Variants in ADGRL3 observed in about 807,000 individuals in gnomAD.
The protein encoded by ADGRL3 is calcium-independent alpha-latrotoxin receptor 3.
In ADGRL3, 62 loss-of-function variants were observed where a neutral mutation model predicts 153.5. That is an observed-to-expected ratio of 0.40 (90% CI 0.33 to 0.50). The LOEUF (loss-of-function observed/expected upper bound fraction) is 0.50, where lower values mean the gene tolerates loss of function less well. Ranked by LOEUF, ADGRL3 falls within the 20% of genes least tolerant of loss-of-function variation. The probability of loss-of-function intolerance (pLI) is 0.47; values close to 1 mark genes in which losing one functional copy is unlikely to be tolerated. For missense variants in ADGRL3, 1,641 were observed against 1,859.4 expected, an observed-to-expected ratio of 0.88 and a Z score of 2.16; for synonymous variants, 710 against 672.5, an observed-to-expected ratio of 1.06 and a Z score of -0.86.
At chr4:61,590,485 A>C (rs765795340) in intron 5 of ADGRL3, among the ~76,000 whole-genome samples, 24 of 152,104 alleles carry the variant, frequency 1.6e-4, no homozygotes, top group African/African-American at 2.4e-5. Context: ...CTTAGGTTTC[A>C]TGTTATTCTT....
At chr4:61,639,968 A>G (rs1456478889) in intron 5 of ADGRL3, among the ~76,000 whole-genome samples, 1 of 152,268 alleles carries the variant, frequency 6.6e-6, no homozygotes, top group Admixed American at 6.5e-5. Context: ...AAAGGAGCAC[A>G]GAATTGTCTG....
At chr4:61,760,897 C>T (rs1353323659) in intron 8 of ADGRL3, among the ~76,000 whole-genome samples, 5 of 152,170 alleles carry the variant, frequency 3.3e-5, no homozygotes, top group African/African-American at 1.2e-4. Flanking sequence ...TTTATTATTA[C>T]TCAGATCAGT....
At chr4:61,350,867 C>T (rs79127480) in intron 1 of ADGRL3, among the ~76,000 whole-genome samples, 2,401 of 152,122 alleles carry the variant, frequency 0.016, 54 homozygotes, top group African/African-American at 0.052. Flanking sequence ...TGAAACACAA[C>T]AATTTTTAAA....
chr4:61,937,559 A>G (rs2098844648), intron 15 of ADGRL3, among the ~76,000 whole-genome samples: 2 of 151,544 alleles, frequency 1.3e-5, no homozygotes, highest in Non-Finnish European at 2.9e-5. Context: ...CTCTTTCCCA[A>G]TCACTCTTTC....
At chr4:61,768,251 C>A (rs1715042297) in intron 8 of ADGRL3, among the ~76,000 whole-genome samples, 2 of 151,958 alleles carry the variant, frequency 1.3e-5, no homozygotes, top group Non-Finnish European at 1.5e-5. Context: ...GTAAGCCAGA[C>A]CAGGTGTGAG....
intron 21 of ADGRL3, among the ~76,000 whole-genome samples, chr4:62,024,845 G>A (rs551720301): frequency 5.3e-5 from 8 of 149,762 alleles, no homozygotes; most frequent in Non-Finnish European, 7.4e-5. Flanking sequence ...CAGGAGAATC[G>A]TGTGAACCCG....
At chr4:61,580,480 T>C (rs183379955) in intron 4 of ADGRL3, among the ~76,000 whole-genome samples, 8 of 152,268 alleles carry the variant, frequency 5.3e-5, no homozygotes, top group Non-Finnish European at 8.8e-5. Context: ...ACAGTTTCAG[T>C]GTCAATTCTT....
chr4:61,864,365 AAACT>A (rs1171735328), intron 9 of ADGRL3, among the ~76,000 whole-genome samples: 1 of 152,198 alleles, frequency 6.6e-6, no homozygotes, highest in Non-Finnish European at 1.5e-5. Context: ...GCATGAAGGC[AAACT>A]AACTAGTTTT....
At chr4:61,440,947 A>G (rs1376030687) in intron 2 of ADGRL3, among the ~76,000 whole-genome samples, 2 of 152,180 alleles carry the variant, frequency 1.3e-5, no homozygotes, top group South Asian at 2.1e-4. Context: ...TATTTGCCCA[A>G]CATTTTGTAA....
rs891197039 is a variant in ADGRL3 at position 61,466,138 on chromosome 4, AAAAT to A, written c.-173-30971_-173-30968del. On this transcript the variant is annotated intron_variant, in intron 2 of 26. Transcript: ENST00000683033. ...TCCATCTCAAAAATAATAAATAAAT[AAAAT>A]AAATAAATAAACAAACAATCCAACT... 4.4e-3 allele frequency among the ~76,000 whole-genome samples: 666 copies of A among 152,190 alleles called. 7 individuals carry two copies. Among genetic ancestry groups the A allele is most frequent in the African/African-American group, 0.015 (623 of 41,534 alleles).
chr4:61,456,129 A>G (rs1270336737), intron 2 of ADGRL3, among the ~76,000 whole-genome samples: 1 of 151,908 alleles, frequency 6.6e-6, no homozygotes, highest in African/African-American at 2.4e-5. Context: ...TAAGAAATAC[A>G]TTCTTTTTAC....
chr4:61,683,992 G>A lies in ADGRL3; in HGVS notation c.583+7057G>A, dbSNP rs186841742. Reference sequence around the variant, plus strand: ...AGAAGAAGGGCAATCATTTTTAGCAGAGAGGACAAGCTAGGTAATAAATCG... The same window carrying A: ...AGAAGAAGGGCAATCATTTTTAGCAAAGAGGACAAGCTAGGTAATAAATCG... On this transcript the variant is annotated intron_variant, in intron 6 of 26. Coordinates refer to ENST00000683033, the MANE Select transcript of ADGRL3 (RefSeq NM_001387552.1). Among the ~76,000 whole-genome samples the A allele has an allele frequency of 6.6e-5, 10 of 152,272 alleles. No homozygotes were observed. The East Asian group carries it at 1.6e-3, about 24-fold the overall frequency.
chr4:61,690,092 T>G (rs1351434487), intron 6 of ADGRL3, among the ~76,000 whole-genome samples: 1 of 152,168 alleles, frequency 6.6e-6, no homozygotes, highest in Non-Finnish European at 1.5e-5. Flanking sequence ...GGCGTAGTTT[T>G]TAAAGAAGTT....
At chr4:61,710,980 T>G (rs972513403) in intron 6 of ADGRL3, among the ~76,000 whole-genome samples, 3 of 152,194 alleles carry the variant, frequency 2.0e-5, no homozygotes, top group Non-Finnish European at 4.4e-5. Context: ...TCAGCTGTAT[T>G]AATAAATTTT....
At chr4:61,336,688 C>G (rs929931978) in intron 1 of ADGRL3, among the ~76,000 whole-genome samples, 2 of 151,870 alleles carry the variant, frequency 1.3e-5, no homozygotes, top group African/African-American at 4.8e-5. Flanking sequence ...GATAACTGCC[C>G]TTTGTGTAAT....
At position 61,923,782 on chromosome 4, in the gene ADGRL3, G is replaced by A. The variant is rs75998517; in HGVS notation, c.2112+11025G>A. ...ACACTCTCAGTTTTCCTCTATTACA[G>A]CAATTATCAAGCTGTATTTTAATGT... On this transcript the variant is annotated intron_variant, in intron 13 of 26. Coordinates refer to ENST00000683033, the MANE Select transcript of ADGRL3 (RefSeq NM_001387552.1). 1.8e-3 allele frequency among the ~76,000 whole-genome samples: 281 copies of A among 152,128 alleles called. 1 individual carries two copies. The highest frequency in any genetic ancestry group is 5.6e-3 in the African/African-American group (233 of 41,522).
chr4:61,390,938 T>A (rs919389527), intron 2 of ADGRL3, among the ~76,000 whole-genome samples: 1 of 152,186 alleles, frequency 6.6e-6, no homozygotes, highest in Non-Finnish European at 1.5e-5. Context: ...ATAATGCCTT[T>A]GAGGTTCATC....
At chr4:61,788,192 G>C (rs1406959949) in intron 8 of ADGRL3, among the ~76,000 whole-genome samples, 1 of 152,168 alleles carries the variant, frequency 6.6e-6, no homozygotes, top group Admixed American at 6.5e-5. Flanking sequence ...CAGAGGTCCT[G>C]AGTCTATCCC....
At chr4:61,381,671 C>T (rs909740737) in intron 1 of ADGRL3, among the ~76,000 whole-genome samples, 1 of 151,752 alleles carries the variant, frequency 6.6e-6, no homozygotes, top group Non-Finnish European at 1.5e-5. Flanking sequence ...TGTAGGTAAA[C>T]CTGTAGAGAA....
Sources: gnomAD v4.1 joint callset for allele counts (sites outside exome capture counted in the v4.1 genomes callset) on GRCh38, gnomAD v4.1.1 for gene constraint, MANE v1.5 for transcripts, NCBI Gene and HGNC (gene_info 2026-07-23, HGNC 2026-07-21) for gene names.